Variants in PRR7 observed in about 807,000 individuals in gnomAD.
PRR7 encodes proline rich 7, synaptic.
Under a neutral mutation model 18.5 loss-of-function variants are expected in PRR7, and 8 were observed. The observed-to-expected ratio is 0.43, with a 90% CI of 0.25 to 0.78. PRR7 has a LOEUF of 0.78. PRR7 is among the 30% of genes least tolerant of loss of function. The pLI is 0.22. For synonymous variants in PRR7, 221 were observed against 187.7 expected (o/e 1.18, Z -1.45); for missense variants, 396 against 403.1 (o/e 0.98, Z 0.15).
Position 177,455,563 on chromosome 5 carries a change from G to T in PRR7, c.427+69G>T. ...GTGGGCGGGCGTTGGAGGGCTCGCT[G>T]CTTACCCTCAGGGCTTCCATCCGCA... On this transcript the variant is annotated intron_variant, in intron 3 of 3. Coordinates refer to ENST00000323249, the MANE Select transcript of PRR7 (RefSeq NM_030567.5). This position sits in a 1 kb window ranked among gnomAD's most constrained non-coding sequence, Gnocchi z 6.9. 7.0e-7 allele frequency: 1 copy of T among 1,425,366 alleles called. No homozygotes were observed. Among genetic ancestry groups the T allele is most frequent in the Non-Finnish European group, 9.1e-7 (1 of 1,098,904 alleles). 88.3% of individuals were successfully genotyped at this position (1,425,366 alleles called of 1,614,324 possible).
Position 177,455,556 on chromosome 5 carries a change from G to A in PRR7, c.427+62G>A. 4 of 1,429,548 alleles carry A rather than the reference G, an allele frequency of 2.8e-6. No homozygotes were observed. Among genetic ancestry groups the A allele is most frequent in the Non-Finnish European group, 3.6e-6 (4 of 1,101,968 alleles). 88.6% of individuals were successfully genotyped at this position (1,429,548 alleles called of 1,614,324 possible). A position where few individuals can be genotyped will look rare whatever the true frequency, so the allele number is the denominator to read the frequency against. On this transcript the variant is annotated intron_variant, in intron 3 of 3. Transcript: ENST00000323249. This position sits in a 1 kb window ranked among gnomAD's most constrained non-coding sequence, Gnocchi z 6.9. Reference sequence around the variant, plus strand: ...GCCGGAAGTGGGCGGGCGTTGGAGGGCTCGCTGCTTACCCTCAGGGCTTCC... The same window carrying A: ...GCCGGAAGTGGGCGGGCGTTGGAGGACTCGCTGCTTACCCTCAGGGCTTCC...
rs1229690481 is a variant in PRR7, at chr5:177,450,076, C to T, written c.-325+3116C>T. Among the ~76,000 whole-genome samples the T allele has an allele frequency of 6.6e-6, 1 of 152,202 alleles. No homozygotes were observed. Among genetic ancestry groups the T allele is most frequent in the East Asian group, 1.9e-4 (1 of 5,202 alleles). ...GAGCTGGACCCACTCCTTGAGCCTA[C>T]ATCCTTGTCTGTAGAGAGAACAGCA... On this transcript the variant is annotated intron_variant, in intron 1 of 3. Coordinates refer to ENST00000323249, the MANE Select transcript of PRR7 (RefSeq NM_030567.5). The surrounding 1 kb of genome is among the most constrained non-coding windows in gnomAD (Gnocchi z 6.6).
At position 177,456,253 on chromosome 5, in the gene PRR7, G is replaced by A; in HGVS notation, c.*132G>A. 8.4e-7 allele frequency: 1 copy of A among 1,193,018 alleles called. No homozygotes were observed. The highest frequency in any genetic ancestry group is 1.1e-6 in the Non-Finnish European group (1 of 900,388). The allele number at this position is 1,193,018 out of a possible 1,614,324, so 73.9% of individuals were successfully genotyped here. On this transcript the variant is annotated 3_prime_UTR_variant, in exon 4 of 4. Coordinates refer to ENST00000323249, the MANE Select transcript of PRR7 (RefSeq NM_030567.5). ...TCTTATCCCGTTTGTTACATTTTGA[G>A]GATAATAAAGGTGTGTGATCTGGTT... is the stretch of plus-strand genomic sequence containing the variant.
chr5:177,455,593 C>T lies in PRR7; in HGVS notation c.427+99C>T. 7.1e-7 allele frequency: 1 copy of T among 1,406,240 alleles called. No homozygotes were observed. The highest frequency in any genetic ancestry group is 9.2e-7 in the Non-Finnish European group (1 of 1,083,378). The allele number at this position is 1,406,240 out of a possible 1,614,324, so 87.1% of individuals were successfully genotyped here. ...CCCTCAGGGCTTCCATCCGCAGCCT[C>T]CGGGAGAACACGGGCGGCGGCGGGC... On this transcript the variant is annotated intron_variant, in intron 3 of 3. Coordinates refer to ENST00000323249, the MANE Select transcript of PRR7 (RefSeq NM_030567.5). This position sits in a 1 kb window ranked among gnomAD's most constrained non-coding sequence, Gnocchi z 6.9.
rs777009396 is a variant in PRR7 at position 177,456,079 on chromosome 5, G to C, written c.783G>C (p.Leu261=). The C allele has an allele frequency of 1.9e-6, 3 of 1,569,948 alleles. No individual in the cohort carries two copies. In the African/African-American group the frequency reaches 4.1e-5, roughly 21 times the overall value. ...REPLEHGAWR[L]PVSIPLFGRT... is the part of the protein sequence containing the mutation. The stretch of plus-strand genomic sequence containing the variant: ...CCCTGGAGCACGGAGCTTGGCGTCT[G>C]CCGGTCTCCATCCCCTTGTTCGGGA... The change falls in exon 4 of 4, where the codon CTG becomes CTC. Residue 261 remains leucine (L), a synonymous_variant. Coordinates refer to ENST00000323249, the MANE Select transcript of PRR7 (RefSeq NM_030567.5).
intron 1 of PRR7, chr5:177,448,363 C>T (rs1324586802): frequency 1.3e-5 from 2 of 152,234 alleles, no homozygotes; most frequent in East Asian, 1.9e-4. Flanking sequence ...GTTGAGTGCT[C>T]TGCATCCATT....
rs1184992728 is a variant in PRR7 at position 177,454,391 on chromosome 5, A to G, written c.-240+351A>G. 6.6e-6 allele frequency among the ~76,000 whole-genome samples: 1 copy of G among 152,104 alleles called. No individual in the cohort carries two copies. Among genetic ancestry groups the G allele is most frequent in the Non-Finnish European group, 1.5e-5 (1 of 67,988 alleles). ...GCCAGGGGCTGCCAGGCGTCTGTACAGGGCGTCGGGTGGCTGTCTGTGGGG... is the reference window on the plus strand; with the variant it reads ...GCCAGGGGCTGCCAGGCGTCTGTACGGGGCGTCGGGTGGCTGTCTGTGGGG... On this transcript the variant is annotated intron_variant, in intron 2 of 3. Coordinates refer to ENST00000323249, the MANE Select transcript of PRR7 (RefSeq NM_030567.5). The surrounding 1 kb of genome is among the most constrained non-coding windows in gnomAD (Gnocchi z 4.7).
chr5:177,455,973 G>A lies in PRR7; in HGVS notation c.677G>A (p.Cys226Tyr). ...AGCGCCCCTCGGCCCGCGCCGCCCT[G>A]CCCAGCCCTCTGCCTGCAGGCCGAC... ...LPSAPRPAPP[C>Y]PALCLQADRG... The change falls in exon 4 of 4, where the codon TGC becomes TAC. Residue 226 changes from cysteine to tyrosine, a missense_variant. By Grantham distance (194) the Cys-to-Tyr change is radical (BLOSUM62 -2). This residue lies in a region of PRR7 where 383 missense variants were observed against 372.6 expected (regional missense o/e 1.03). Transcript: ENST00000323249. This position sits in a 1 kb window ranked among gnomAD's most constrained non-coding sequence, Gnocchi z 6.9. The A allele has an allele frequency of 3.8e-6, 6 of 1,591,544 alleles. No homozygotes were observed. The highest frequency in any genetic ancestry group is 4.3e-6 in the Non-Finnish European group (5 of 1,173,260).
At position 177,454,084 on chromosome 5, in the gene PRR7, C is replaced by A. The variant is rs1756278861; in HGVS notation, c.-240+44C>A. On this transcript the variant is annotated intron_variant, in intron 2 of 3. Coordinates refer to ENST00000323249, the MANE Select transcript of PRR7 (RefSeq NM_030567.5). This position sits in a 1 kb window ranked among gnomAD's most constrained non-coding sequence, Gnocchi z 4.7. ...CTTCCAACCCTCATCTAGTTTTCCT[C>A]CCCTCCGCGAGAGGGAAAGGGAGAC... The A allele has an allele frequency of 6.6e-6, 1 of 152,428 alleles. No homozygotes were observed. Among genetic ancestry groups the A allele is most frequent in the African/African-American group, 2.4e-5 (1 of 41,464 alleles). 9.4% of individuals were successfully genotyped at this position (152,428 alleles called of 1,614,324 possible).
chr5:177,448,315 G>A (rs961522926), intron 1 of PRR7: 4 of 152,352 alleles, frequency 2.6e-5, no homozygotes. Flanking sequence ...AATTACTCAC[G>A]GGTGCCTTTC....
Position 177,455,751 on chromosome 5 carries a change from G to A in PRR7, c.455G>A (p.Cys152Tyr). Residue 152 changes from cysteine to tyrosine, a missense_variant, in exon 4 of 4, where the codon TGT becomes TAT. Physicochemically the swap from Cys to Tyr is radical, Grantham distance 194. This residue lies in a region of PRR7 where 383 missense variants were observed against 372.6 expected (regional missense o/e 1.03). Coordinates refer to ENST00000323249, the MANE Select transcript of PRR7 (RefSeq NM_030567.5). The surrounding 1 kb of genome is among the most constrained non-coding windows in gnomAD (Gnocchi z 6.9). ...GAATCGGACATGTCCAAACCACCGT[G>A]TTACGAAGAGGCGGTGCTGATGGCA... Reference protein sequence around the residue: ...QAESDMSKPPCYEEAVLMAEP... With the variant: ...QAESDMSKPPYYEEAVLMAEP... 1 of 1,607,666 alleles carries A rather than the reference G, an allele frequency of 6.2e-7. No homozygotes were observed. Among genetic ancestry groups the A allele is most frequent in the Non-Finnish European group, 8.5e-7 (1 of 1,177,240 alleles).
At position 177,454,983 on chromosome 5, in the gene PRR7, T is replaced by C. The variant is rs571672111; in HGVS notation, c.-85T>C. 1.3e-3 allele frequency: 1,793 copies of C among 1,362,494 alleles called. 15 individuals are homozygous for C. The African/African-American group carries it at 0.025, about 19-fold the overall frequency. The allele number at this position is 1,362,494 out of a possible 1,614,324, so 84.4% of individuals were successfully genotyped here. On this transcript the variant is annotated 5_prime_UTR_variant, in exon 3 of 4. Transcript: ENST00000323249. The surrounding 1 kb of genome is among the most constrained non-coding windows in gnomAD (Gnocchi z 4.7). ...GTCCCCGAGTGACGCTGGCGGCACC[T>C]GAGAGTGTGGCGCGGGCCCGGGGCC...
intron 1 of PRR7, among the ~76,000 whole-genome samples, chr5:177,448,183 C>T (rs1023001717): frequency 3.3e-5 from 5 of 152,166 alleles, no homozygotes; most frequent in African/African-American, 7.2e-5. Context: ...CTTTCCCATC[C>T]GGGGAGGCAT....
Position 177,455,657 on chromosome 5 carries a change from G to GC in PRR7, c.428-65dup. The GC allele has an allele frequency of 6.9e-7, 1 of 1,449,756 alleles. No individual in the cohort carries two copies. Among genetic ancestry groups the GC allele is most frequent in the Non-Finnish European group, 9.1e-7 (1 of 1,096,466 alleles). 89.8% of individuals were successfully genotyped at this position (1,449,756 alleles called of 1,614,324 possible). ...AGGGCTGGGGCGCGGGCGGCCCCTG[G>GC]CCGGGGCCTCTGCGAGAGGCTGGGA... On this transcript the variant is annotated intron_variant, in intron 3 of 3. Transcript: ENST00000323249. This position sits in a 1 kb window ranked among gnomAD's most constrained non-coding sequence, Gnocchi z 6.9.
chr5:177,455,054 C>T lies in PRR7; in HGVS notation c.-14C>T, dbSNP rs370428828. ...CAGTGAAGCGTCTGAGGACCCGCCG[C>T]CCGTGCCGCCGCCATGGTGATGTCC... On this transcript the variant is annotated 5_prime_UTR_variant, in exon 3 of 4. Coordinates refer to ENST00000323249, the MANE Select transcript of PRR7 (RefSeq NM_030567.5). This position sits in a 1 kb window ranked among gnomAD's most constrained non-coding sequence, Gnocchi z 6.9. 42 of 1,450,346 alleles carry T rather than the reference C, an allele frequency of 2.9e-5. No individual in the cohort carries two copies. In the African/African-American group the frequency reaches 5.6e-4, roughly 19 times the overall value. The allele number at this position is 1,450,346 out of a possible 1,614,324, so 89.8% of individuals were successfully genotyped here.
chr5:177,447,120 CGGAG>C (rs1006007101), intron 1 of PRR7, among the ~76,000 whole-genome samples, 160 bp downstream of exon 1: 1 of 152,064 alleles, frequency 6.6e-6, no homozygotes, highest in Non-Finnish European at 1.5e-5. Flanking sequence ...CAGTCCACAC[CGGAG>C]GGAGGGAGAG....
chr5:177,449,669 C>T lies in PRR7; in HGVS notation c.-325+2709C>T, dbSNP rs1455971655. Among the ~76,000 whole-genome samples the T allele has an allele frequency of 6.6e-6, 1 of 152,140 alleles. No homozygotes were observed. Among genetic ancestry groups the T allele is most frequent in the Non-Finnish European group, 1.5e-5 (1 of 68,018 alleles). ...TCTGAAAACCCTGCCCTGAGGAGGGCCGGAGCTGAGCGCAGTAGACACTGG... is the reference window on the plus strand; with the variant it reads ...TCTGAAAACCCTGCCCTGAGGAGGGTCGGAGCTGAGCGCAGTAGACACTGG... On this transcript the variant is annotated intron_variant, in intron 1 of 3. Transcript: ENST00000323249. This position sits in a 1 kb window ranked among gnomAD's most constrained non-coding sequence, Gnocchi z 4.2.
rs1242822231 is a variant in PRR7, at chr5:177,455,422, C to T, written c.355C>T (p.His119Tyr). Reference protein sequence around the residue: ...PHAHAHPHPHHHALPHPPPTH... With the variant: ...PHAHAHPHPHYHALPHPPPTH... ...CGCGCACGCGCACCCACACCCGCACCACCACGCGCTCCCGCACCCGCCGCC... is the reference window on the plus strand; with the variant it reads ...CGCGCACGCGCACCCACACCCGCACTACCACGCGCTCCCGCACCCGCCGCC... The change falls in exon 3 of 4, where the codon CAC becomes TAC. Residue 119 changes from histidine (H) to tyrosine (Y), a missense_variant. By Grantham distance (83) the His-to-Tyr change is moderately conservative (BLOSUM62 2). Around this residue, in one of 2 missense-constraint regions of PRR7, gnomAD observed 383 missense variants for 372.6 expected, o/e 1.03. Coordinates refer to ENST00000323249, the MANE Select transcript of PRR7 (RefSeq NM_030567.5). The surrounding 1 kb of genome is among the most constrained non-coding windows in gnomAD (Gnocchi z 6.9). 15 of 1,504,294 alleles carry T rather than the reference C, an allele frequency of 1.0e-5. No homozygotes were observed. Among genetic ancestry groups the T allele is most frequent in the Non-Finnish European group, 1.3e-5 (15 of 1,133,400 alleles). 93.2% of individuals were successfully genotyped at this position (1,504,294 alleles called of 1,614,324 possible). A position where few individuals can be genotyped will look rare whatever the true frequency, so the allele number is the denominator to read the frequency against.
chr5:177,455,493 A>C lies in PRR7; in HGVS notation c.426A>C (p.Gln142His). 1.3e-6 allele frequency: 2 copies of C among 1,489,620 alleles called. No homozygotes were observed. The highest frequency in any genetic ancestry group is 1.8e-6 in the Non-Finnish European group (2 of 1,131,328). The allele number at this position is 1,489,620 out of a possible 1,614,324, so 92.3% of individuals were successfully genotyped here. The change falls in exon 3 of 4, where the codon CAA (glutamine) becomes CAC (histidine). Residue 142 changes from glutamine (Q) to histidine (H), a missense_variant and splice_region_variant. Coordinates refer to ENST00000323249, the MANE Select transcript of PRR7 (RefSeq NM_030567.5). The surrounding 1 kb of genome is among the most constrained non-coding windows in gnomAD (Gnocchi z 6.9). The stretch of plus-strand genomic sequence containing the variant: ...CACGGCCCTGGAGCTACCCGCGCCA[A>C]GGTGAGTACCGACCTCCGCCAGGGG... ...VPPRPWSYPRQAESDMSKPPC... is the reference protein window; with the variant it reads ...VPPRPWSYPRHAESDMSKPPC...
Sources: gnomAD v4.1 joint callset for allele counts (sites outside exome capture counted in the v4.1 genomes callset) on GRCh38, gnomAD v4.1.1 for gene constraint, gnomAD v4.1.1 regional missense constraint, Gnocchi (gnomAD v3.1) non-coding constraint, MANE v1.5 for transcripts, NCBI Gene and HGNC (gene_info 2026-07-23, HGNC 2026-07-21) for gene names.